LPO: variants seen among roughly 807,000 people sequenced by gnomAD.
The protein encoded by LPO is lactoperoxidase.
Under a neutral mutation model 68.4 loss-of-function variants are expected in LPO, and 70 were observed. The observed-to-expected ratio is 1.02, with a 90% CI of 0.84 to 1.25. LPO has a LOEUF of 1.25. Ranked by LOEUF, LPO falls within the 50% of genes most tolerant of loss-of-function variation. The probability of loss-of-function intolerance (pLI) is 0.00; values close to 1 mark genes in which losing one functional copy is unlikely to be tolerated. For missense variants in LPO, 873 were observed against 908.4 expected (o/e 0.96, Z 0.50); for synonymous variants, 360 against 357.6 (o/e 1.01, Z -0.08).
At chr17:58,251,843 G>A in intron 7 of LPO, 1 of 577,388 alleles carries the variant, frequency 1.7e-6, no homozygotes, top group South Asian at 1.4e-5. Context: ...CATGGCAGCT[G>A]TTGTTAGTAG....
chr17:58,261,590 A>G (rs1243585303), intron 9 of LPO, among the ~76,000 whole-genome samples: 1 of 151,268 alleles, frequency 6.6e-6, no homozygotes, highest in Non-Finnish European at 1.5e-5. Context: ...TCTGACCTTT[A>G]GTAATTAGTA....
intron 9 of LPO, among the ~76,000 whole-genome samples, chr17:58,260,021 G>A (rs1056912989): frequency 2.0e-4 from 30 of 151,882 alleles, no homozygotes; most frequent in Admixed American, 6.6e-5. Context: ...CACCATGTTG[G>A]CCAGAATGGT....
Position 58,252,504 on chromosome 17 carries a change from C to G in LPO, c.1103C>G (p.Ala368Gly). 12 of 1,610,272 alleles carry G rather than the reference C, an allele frequency of 7.5e-6. No homozygotes were observed. Among genetic ancestry groups the G allele is most frequent in the Non-Finnish European group, 1.0e-5 (12 of 1,177,436 alleles). The stretch of plus-strand genomic sequence containing the variant: ...ACTGCCCGTGTGCCCTGCTTCCTGG[C>G]AGGTGAGTCTAGCCTGGGAACAGAA... ...NTTARVPCFL[A>G]GDSRASEHIL... Residue 368 changes from alanine (A) to glycine (G), a missense_variant and splice_region_variant, in exon 8 of 13, where the codon GCA becomes GGA. Ala to Gly is a moderately conservative substitution (Grantham distance 60). Coordinates refer to ENST00000262290, the MANE Select transcript of LPO (RefSeq NM_006151.3).
chr17:58,240,162 G>A (rs956247146), intron 1 of LPO, among the ~76,000 whole-genome samples: 1 of 152,182 alleles, frequency 6.6e-6, no homozygotes, highest in South Asian at 2.1e-4. Flanking sequence ...GTGAAATTTG[G>A]TCTGGGTTTT....
In LPO at chr17:58,267,777, G is replaced by A. The variant is rs753046919; in HGVS notation, c.1932-10G>A. The stretch of plus-strand genomic sequence containing the variant: ...CAGACTGTGGAGTGACTCTACTTCT[G>A]TCTCTGCAGGTTCTGGTGGGAAAAC... On this transcript the variant is annotated splice_polypyrimidine_tract_variant and intron_variant, in intron 12 of 12. Transcript: ENST00000262290. The A allele has an allele frequency of 2.4e-5, 38 of 1,613,250 alleles. No homozygotes were observed. Among genetic ancestry groups the A allele is most frequent in the Non-Finnish European group, 3.1e-5 (37 of 1,179,282 alleles).
Position 58,247,567 on chromosome 17 carries a change from T to C in LPO, c.254T>C (p.Ile85Thr), listed in dbSNP as rs759018083. ...KHAKGRTRTAIRNGQVWEESL... is the reference protein window; with the variant it reads ...KHAKGRTRTATRNGQVWEESL... ...GCCAAAGGCCGGACGCGCACAGCCATCCGCAATGGACAGGTGTGGGAGGAG... is the reference window on the plus strand; with the variant it reads ...GCCAAAGGCCGGACGCGCACAGCCACCCGCAATGGACAGGTGTGGGAGGAG... Residue 85 changes from isoleucine to threonine, a missense_variant, in exon 4 of 13, where the codon ATC becomes ACC. By Grantham distance (89) the Ile-to-Thr change is moderately conservative. Coordinates refer to ENST00000262290, the MANE Select transcript of LPO (RefSeq NM_006151.3). 6 of 1,614,136 alleles carry C rather than the reference T, an allele frequency of 3.7e-6. No homozygotes were observed. The highest frequency in any genetic ancestry group is 5.1e-6 in the Non-Finnish European group (6 of 1,180,024).
At chr17:58,265,191 G>A (rs1431319006) in intron 10 of LPO, among the ~76,000 whole-genome samples, 1 of 152,112 alleles carries the variant, frequency 6.6e-6, no homozygotes, top group Non-Finnish European at 1.5e-5. Flanking sequence ...TATACATGTG[G>A]AGCACCCTAC....
chr17:58,248,987 C>G, intron 4 of LPO, 73 bp from the exon 5 acceptor site: 1 of 1,139,728 alleles, frequency 8.8e-7, no homozygotes, highest in South Asian at 1.2e-5. Flanking sequence ...CCTCTGGTCT[C>G]CATTTCCTGC....
Position 58,250,471 on chromosome 17 carries a change from C to A in LPO, c.630C>A (p.Asp210Glu). Residue 210 changes from aspartate to glutamate, a missense_variant, in exon 7 of 13, where the codon GAC (aspartate) becomes GAA (glutamate). Physicochemically the swap from Asp to Glu is conservative, Grantham distance 45 (BLOSUM62 2). Transcript: ENST00000262290. The part of the protein sequence containing the change: ...VGYLNEEGVL[D>E]QNRSLLFMQW... ...ATCTGAATGAGGAGGGTGTTCTGGA[C>A]CAAAACAGGTCCCTGCTCTTCATGC... 1 of 1,614,134 alleles carries A rather than the reference C, an allele frequency of 6.2e-7. No individual in the cohort carries two copies. Among genetic ancestry groups the A allele is most frequent in the Non-Finnish European group, 8.5e-7 (1 of 1,180,038 alleles).
intron 6 of LPO, 95 bp downstream of exon 6, chr17:58,249,790 G>A (rs918858521): frequency 2.8e-6 from 4 of 1,420,252 alleles, no homozygotes; most frequent in Non-Finnish European, 3.7e-6. Flanking sequence ...GGGATCGGTG[G>A]GGGCAGCAGG....
chr17:58,267,524 G>A lies in LPO; in HGVS notation c.1869G>A (p.Arg623=). 1 of 1,614,180 alleles carries A rather than the reference G, an allele frequency of 6.2e-7. No homozygotes were observed. Among genetic ancestry groups the A allele is most frequent in the Non-Finnish European group, 8.5e-7 (1 of 1,180,010 alleles). ...CTGAGCCGCTGGTGGAAAGGGGTCG[G>A]GTGGGGCCTCTCCTGGCCTGCCTCT... ...AIAEPLVERG[R]VGPLLACLLG... Residue 623 remains arginine (R), a synonymous_variant, in exon 12 of 13, where the codon CGG becomes CGA. Coordinates refer to ENST00000262290, the MANE Select transcript of LPO (RefSeq NM_006151.3).
chr17:58,265,023 C>A, intron 10 of LPO, 49 bp downstream of exon 10: 1 of 1,600,354 alleles, frequency 6.2e-7, no homozygotes, highest in Non-Finnish European at 8.5e-7. Context: ...CACTCCGCAG[C>A]CTATTGTAGG....
At chr17:58,252,979 C>T (rs1490887035) in intron 8 of LPO, among the ~76,000 whole-genome samples, 6 of 138,606 alleles carry the variant, frequency 4.3e-5, no homozygotes, top group African/African-American at 1.4e-4. Flanking sequence ...GCCGAGATCA[C>T]GCCACTGCAC....
At chr17:58,256,750 G>A (rs1001695700) in intron 9 of LPO, among the ~76,000 whole-genome samples, 1 of 151,118 alleles carries the variant, frequency 6.6e-6, no homozygotes, top group Admixed American at 6.6e-5. Context: ...GGAGGTGGAG[G>A]TAGGAGGCGG....
At chr17:58,254,128 GATAGATATATAGATAT>G (rs1555605277) in intron 8 of LPO, among the ~76,000 whole-genome samples, 6 of 113,958 alleles carry the variant, frequency 5.3e-5, no homozygotes, top group African/African-American at 1.9e-4. Flanking sequence ...GATAGATGAT[GATAGATATATAGATAT>G]ATAGATATAT....
intron 1 of LPO, among the ~76,000 whole-genome samples, chr17:58,241,125 C>CTTTTTTTTTTTTTTTTTTTTTTTTTTT (rs1161572564): frequency 1.1e-5 from 1 of 91,306 alleles, no homozygotes; most frequent in Non-Finnish European, 2.2e-5. Context: ...TTTCTTTTTT[C>CTTTTTTTTTTTTTTTTTTTTTTTTTTT]TTTTTTTTTT....
Position 58,262,926 on chromosome 17 carries a change from C to A in LPO, c.1267-1796C>A, listed in dbSNP as rs73314175. 3.6e-3 allele frequency among the ~76,000 whole-genome samples: 552 copies of A among 152,216 alleles called. 7 individuals carry two copies. Among genetic ancestry groups the A allele is most frequent in the African/African-American group, 0.013 (530 of 41,524 alleles). On this transcript the variant is annotated intron_variant, in intron 9 of 12. Coordinates refer to ENST00000262290, the MANE Select transcript of LPO (RefSeq NM_006151.3). ...TATTCAAATCCTTTTTCAGTTTCAC[C>A]CCCTTTCTCCTCTGTTTCTGGAACT... is the stretch of plus-strand genomic sequence containing the variant.
At chr17:58,266,040 A>T (rs1970256545) in intron 10 of LPO, 113 bp from the exon 11 acceptor site, 1 of 1,001,648 alleles carries the variant, frequency 1.0e-6, no homozygotes, top group Non-Finnish European at 1.5e-6. Context: ...TGGGATGTCC[A>T]GGTGACCCAC....
intron 1 of LPO, among the ~76,000 whole-genome samples, chr17:58,241,854 G>A (rs1019956808): frequency 6.6e-6 from 1 of 152,194 alleles, no homozygotes; most frequent in Non-Finnish European, 1.5e-5. Flanking sequence ...TCCTGGTCTG[G>A]CCTATTCCAA....
Sources: allele counts gnomAD v4.1 joint callset (sites outside exome capture counted in the v4.1 genomes callset), GRCh38; gene constraint gnomAD v4.1.1; transcripts MANE v1.5; gene names NCBI Gene and HGNC (gene_info 2026-07-23, HGNC 2026-07-21).